CTIF: variants seen among roughly 807,000 people sequenced by gnomAD.
The protein encoded by CTIF is cap binding complex dependent translation initiation factor, also known as CBP80/20-dependent translation initiation factor.
CTIF carries 21 observed loss-of-function variants against 66.0 expected under a neutral mutation model. The observed-to-expected ratio is 0.32, with a 90% CI of 0.23 to 0.46. The LOEUF is 0.46. Ranked by LOEUF, CTIF falls within the 20% of genes least tolerant of loss-of-function variation. CTIF has a pLI of 1.00. For missense variants in CTIF, 739 were observed against 812.7 expected (o/e 0.91, Z 1.10); for synonymous variants, 345 against 326.4 (o/e 1.06, Z -0.62).
At chr18:48,577,585 GT>G (rs1246435375) in intron 1 of CTIF, among the ~76,000 whole-genome samples, 2 of 151,858 alleles carry the variant, frequency 1.3e-5, no homozygotes, top group Non-Finnish European at 2.9e-5. Flanking sequence ...TCTTTTGTTT[GT>G]TTGTTTGAGA....
At chr18:48,726,335 G>A (rs111838838) in intron 7 of CTIF, among the ~76,000 whole-genome samples, 39 of 152,312 alleles carry the variant, frequency 2.6e-4, no homozygotes, top group African/African-American at 8.4e-4. Context: ...TCTCCAAGAC[G>A]TAGAGTTTAA....
At chr18:48,616,603 G>A (rs545219962) in intron 1 of CTIF, among the ~76,000 whole-genome samples, 9 of 152,304 alleles carry the variant, frequency 5.9e-5, no homozygotes, top group African/African-American at 2.2e-4. Flanking sequence ...CTTCTAAGTA[G>A]CATAATTATG....
chr18:48,570,421 T>C (rs935482240), intron 1 of CTIF, among the ~76,000 whole-genome samples: 1 of 152,208 alleles, frequency 6.6e-6, no homozygotes, highest in Non-Finnish European at 1.5e-5. Context: ...CTGTGCTATA[T>C]ATTGAGGGCA....
At chr18:48,695,928 C>T (rs1360758938) in intron 6 of CTIF, among the ~76,000 whole-genome samples, 1 of 152,236 alleles carries the variant, frequency 6.6e-6, no homozygotes, top group Non-Finnish European at 1.5e-5. Flanking sequence ...TGACTCGGCT[C>T]AAAGATGCCC....
intron 7 of CTIF, among the ~76,000 whole-genome samples, chr18:48,729,536 C>T (rs75511600): frequency 0.053 from 8,033 of 152,222 alleles, 276 homozygotes; most frequent in Non-Finnish European, 0.07. Context: ...TGAGAGCTGG[C>T]GTCCCCATGA....
intron 1 of CTIF, among the ~76,000 whole-genome samples, chr18:48,576,951 A>G (rs1408560122): frequency 6.6e-6 from 1 of 152,214 alleles, no homozygotes. Flanking sequence ...AATATGTCCT[A>G]TGAGAGCACC....
chr18:48,556,708 G>T (rs1013220486), intron 1 of CTIF, among the ~76,000 whole-genome samples: 1 of 152,138 alleles, frequency 6.6e-6, no homozygotes, highest in African/African-American at 2.4e-5. Flanking sequence ...GAGATTACAG[G>T]CACGCACCAC....
chr18:48,831,819 G>A (rs547384112), intron 10 of CTIF, among the ~76,000 whole-genome samples: 1 of 152,242 alleles, frequency 6.6e-6, no homozygotes, highest in African/African-American at 2.4e-5. Flanking sequence ...TATTTTTTAC[G>A]TTCTTCTCTT....
chr18:48,575,533 G>A (rs2089511420), intron 1 of CTIF, among the ~76,000 whole-genome samples: 1 of 152,240 alleles, frequency 6.6e-6, no homozygotes, highest in Non-Finnish European at 1.5e-5. Context: ...CACTGTGAGT[G>A]GAACAGAGTT....
At chr18:48,589,271 G>A (rs1312454729) in intron 1 of CTIF, among the ~76,000 whole-genome samples, 1 of 152,174 alleles carries the variant, frequency 6.6e-6, no homozygotes, top group Non-Finnish European at 1.5e-5. Context: ...GGCCGTCAGG[G>A]GGAGTCTGTT....
intron 1 of CTIF, among the ~76,000 whole-genome samples, chr18:48,583,226 C>T (rs1408581178): frequency 2.0e-5 from 3 of 152,176 alleles, no homozygotes; most frequent in Non-Finnish European, 4.4e-5. Context: ...GTGGGGCCAA[C>T]AGTGCTTTGG....
At chr18:48,837,559 G>A (rs867598976) in intron 10 of CTIF, among the ~76,000 whole-genome samples, 5 of 152,088 alleles carry the variant, frequency 3.3e-5, no homozygotes, top group East Asian at 3.9e-4. Flanking sequence ...GAACAAAGGC[G>A]ATTAGAGCTA....
At chr18:48,613,836 T>C (rs1249127576) in intron 1 of CTIF, among the ~76,000 whole-genome samples, 1 of 152,156 alleles carries the variant, frequency 6.6e-6, no homozygotes, top group Admixed American at 6.5e-5. Context: ...CTCTGTGTCC[T>C]CCAGAAAGCC....
At chr18:48,657,079 A>T (rs1004153522) in intron 3 of CTIF, among the ~76,000 whole-genome samples, 2 of 152,204 alleles carry the variant, frequency 1.3e-5, no homozygotes, top group African/African-American at 4.8e-5. Flanking sequence ...GAAAGGGGAG[A>T]GAGTTAACAG....
At chr18:48,540,149 C>T (rs1471019455) in intron 1 of CTIF, 1 of 152,226 alleles carries the variant, frequency 6.6e-6, no homozygotes. Context: ...TTTGGTTATT[C>T]CCAACGGTTG....
At chr18:48,852,572 C>G (rs530940671) in intron 10 of CTIF, among the ~76,000 whole-genome samples, 1 of 152,326 alleles carries the variant, frequency 6.6e-6, no homozygotes, top group East Asian at 1.9e-4. Context: ...CAGGCACTGA[C>G]TGGTGGAAGC....
chr18:48,608,870 T>C (rs2090255599), intron 1 of CTIF, among the ~76,000 whole-genome samples: 1 of 152,190 alleles, frequency 6.6e-6, no homozygotes, highest in African/African-American at 2.4e-5. Flanking sequence ...CCAAGACAGA[T>C]GCCAGAGAGA....
intron 1 of CTIF, among the ~76,000 whole-genome samples, chr18:48,611,771 G>A (rs770190250): frequency 6.6e-6 from 1 of 152,186 alleles, no homozygotes; most frequent in Non-Finnish European, 1.5e-5. Flanking sequence ...CAAATTGATA[G>A]TTACAATGTG....
At chr18:48,731,157 C>T (rs943250099) in intron 7 of CTIF, among the ~76,000 whole-genome samples, 5 of 152,058 alleles carry the variant, frequency 3.3e-5, no homozygotes, top group African/African-American at 1.2e-4. Context: ...TGATCTGGGG[C>T]TCAGAGAGGC....
Sources: gnomAD v4.1 joint callset for allele counts (sites outside exome capture counted in the v4.1 genomes callset) on GRCh38, gnomAD v4.1.1 for gene constraint, MANE v1.5 for transcripts, NCBI Gene and HGNC (gene_info 2026-07-23, HGNC 2026-07-21) for gene names.